EBF1: variants seen among roughly 807,000 people sequenced by gnomAD.
EBF1 encodes the protein EBF transcription factor 1.
In EBF1, 10 loss-of-function variants were observed where a neutral mutation model predicts 68.4. The observed-to-expected ratio is 0.15, with a 90% CI of 0.09 to 0.25. EBF1 has a LOEUF of 0.25. Among genes scored for constraint, EBF1 ranks in the 10% least tolerant of loss-of-function variants. The pLI is 1.00. For synonymous variants in EBF1, 298 were observed against 299.8 expected (o/e 0.99, Z 0.06); for missense variants, 509 against 794.4 (o/e 0.64, Z 4.32).
intron 6 of EBF1, among the ~76,000 whole-genome samples, chr5:158,867,376 G>T (rs1796114558): frequency 6.6e-6 from 1 of 152,198 alleles, no homozygotes; most frequent in Non-Finnish European, 1.5e-5. Flanking sequence ...TCATTAGTAT[G>T]TAATTTGGGT....
intron 6 of EBF1, among the ~76,000 whole-genome samples, chr5:158,877,517 A>G (rs529938800): frequency 6.6e-6 from 1 of 152,136 alleles, no homozygotes; most frequent in Non-Finnish European, 1.5e-5. Flanking sequence ...CCATGGAAGA[A>G]CTTTCTAAGC....
At chr5:159,097,866 GCTGGAGCGC>G (rs1782929247) in intron 1 of EBF1, among the ~76,000 whole-genome samples, 1 of 152,228 alleles carries the variant, frequency 6.6e-6, no homozygotes, top group Non-Finnish European at 1.5e-5. Flanking sequence ...GCGATGGGAG[GCTGGAGCGC>G]CTGGGGCGCC....
At chr5:158,800,099 G>C (rs1780318706) in intron 8 of EBF1, among the ~76,000 whole-genome samples, 1 of 152,140 alleles carries the variant, frequency 6.6e-6, no homozygotes, top group South Asian at 2.1e-4. Context: ...GCTCCCAGTA[G>C]GGGGTGGTTA....
chr5:159,097,925 G>T (rs186802754), intron 1 of EBF1, among the ~76,000 whole-genome samples: 2 of 152,218 alleles, frequency 1.3e-5, no homozygotes, highest in Admixed American at 6.5e-5. Context: ...ACACAAGCGC[G>T]CACAGGCACA....
chr5:158,955,729 G>A (rs1170218424), intron 6 of EBF1, among the ~76,000 whole-genome samples: 1 of 152,200 alleles, frequency 6.6e-6, no homozygotes, highest in South Asian at 2.1e-4. Flanking sequence ...TTAATCGACT[G>A]ATGTTTTACA....
Position 159,099,566 on chromosome 5 carries a change from GAAAC to G in EBF1, c.-92_-89del. ...AGGAAAGAAAAGAAAGAAAAGAAAAGAAACAAAAACGCCAACCAGAGATTTTTTT... is the reference window on the plus strand; with the variant it reads ...AGGAAAGAAAAGAAAGAAAAGAAAAGAAAAACGCCAACCAGAGATTTTTTT... On this transcript the variant is annotated 5_prime_UTR_variant, in exon 1 of 16. Coordinates refer to ENST00000313708, the MANE Select transcript of EBF1 (RefSeq NM_024007.5). The G allele has an allele frequency of 3.3e-6, 4 of 1,225,762 alleles. No individual in the cohort carries two copies. The highest frequency in any genetic ancestry group is 4.2e-6 in the Non-Finnish European group (4 of 945,878). The allele number at this position is 1,225,762 out of a possible 1,614,324, so 75.9% of individuals were successfully genotyped here.
intron 6 of EBF1, among the ~76,000 whole-genome samples, chr5:158,900,810 G>T (rs1803154151): frequency 6.6e-6 from 1 of 152,206 alleles, no homozygotes; most frequent in South Asian, 2.1e-4. Context: ...TTCTACAGAA[G>T]AGGAAAGTAA....
chr5:158,817,465 C>T (rs1783982204), intron 8 of EBF1, among the ~76,000 whole-genome samples: 1 of 152,162 alleles, frequency 6.6e-6, no homozygotes, highest in South Asian at 2.1e-4. Context: ...TTCACCCACA[C>T]TTGCTTGCCT....
chr5:158,951,007 C>T (rs1815847587), intron 6 of EBF1, among the ~76,000 whole-genome samples: 1 of 152,122 alleles, frequency 6.6e-6, no homozygotes, highest in Non-Finnish European at 1.5e-5. Context: ...CCCAATTTTT[C>T]AATATTAACT....
chr5:158,968,357 G>A (rs964203595), intron 6 of EBF1, among the ~76,000 whole-genome samples: 31 of 152,182 alleles, frequency 2.0e-4, no homozygotes, highest in African/African-American at 7.2e-4. Flanking sequence ...ACATTTTAAC[G>A]TTATCTTGTT....
Position 159,086,493 on chromosome 5 carries a change from A to G in EBF1, c.412-1754T>C, listed in dbSNP as rs116525411. On this transcript the variant is annotated intron_variant, in intron 4 of 15. Transcript: ENST00000313708. ...TTTCTGAGTCTTTATATTTCATGAC[A>G]TTGATATTTTTGAAGAACACAAGCC... Among the ~76,000 whole-genome samples the G allele has an allele frequency of 9.7e-3, 1,479 of 152,300 alleles. 20 individuals carry two copies. Among genetic ancestry groups the G allele is most frequent in the African/African-American group, 0.033 (1,352 of 41,570 alleles).
intron 6 of EBF1, among the ~76,000 whole-genome samples, chr5:158,868,206 T>C (rs767850590): frequency 1.2e-4 from 19 of 152,172 alleles, no homozygotes; most frequent in Non-Finnish European, 2.4e-4. Flanking sequence ...GATTTAAATG[T>C]CTAGACAAAG....
intron 6 of EBF1, among the ~76,000 whole-genome samples, chr5:158,954,791 CA>C (rs1433793612): frequency 6.6e-6 from 1 of 152,114 alleles, no homozygotes; most frequent in Non-Finnish European, 1.5e-5. Flanking sequence ...TTTGTAAGCA[CA>C]AATATTCACG....
intron 4 of EBF1, among the ~76,000 whole-genome samples, chr5:159,091,821 C>G (rs917912806): frequency 6.6e-6 from 1 of 152,176 alleles, no homozygotes. Flanking sequence ...GTCCTGGGAA[C>G]CTTTTCACGG....
intron 6 of EBF1, among the ~76,000 whole-genome samples, chr5:158,843,038 T>C (rs1333300393): frequency 1.3e-5 from 2 of 152,140 alleles, no homozygotes; most frequent in Admixed American, 1.3e-4. Context: ...CTAATAAGAG[T>C]AAATAAGATT....
Position 159,097,277 on chromosome 5 carries a change from C to T in EBF1, c.135-147G>A. 3.3e-6 allele frequency: 3 copies of T among 896,032 alleles called. No homozygotes were observed. The South Asian group carries it at 5.3e-5, about 16-fold the overall frequency. 55.5% of individuals were successfully genotyped at this position (896,032 alleles called of 1,614,324 possible). On this transcript the variant is annotated intron_variant, in intron 1 of 15. Transcript: ENST00000313708. ...GCGCTCTTCACGCCCCTTCAGGCGA[C>T]ATAGACCCAGCTGACAACGGGACAC...
chr5:158,983,096 C>G (rs537111071), intron 6 of EBF1: 10 of 152,282 alleles, frequency 6.6e-5, no homozygotes, highest in African/African-American at 2.4e-4. Context: ...GGTCTCTTGT[C>G]AGAAAAATAC....
intron 6 of EBF1, among the ~76,000 whole-genome samples, chr5:158,882,765 A>G (rs192480024): frequency 3.0e-4 from 45 of 152,362 alleles, no homozygotes; most frequent in Admixed American, 1.2e-3. Flanking sequence ...AGGTTTCGAT[A>G]GCACAGGGAT....
At chr5:159,013,154 G>T (rs1298961086) in intron 6 of EBF1, among the ~76,000 whole-genome samples, 1 of 152,216 alleles carries the variant, frequency 6.6e-6, no homozygotes, top group Non-Finnish European at 1.5e-5. Context: ...TTATATTAAA[G>T]TCCTTTTTGA....
Sources: allele counts gnomAD v4.1 joint callset (sites outside exome capture counted in the v4.1 genomes callset), GRCh38; gene constraint gnomAD v4.1.1; transcripts MANE v1.5; gene names NCBI Gene and HGNC (gene_info 2026-07-23, HGNC 2026-07-21).